MBD5: variants seen among roughly 807,000 people sequenced by gnomAD.
The protein encoded by MBD5 is methyl-CpG binding domain protein 5, also known as methyl-CpG-binding domain protein 5.
Under a neutral mutation model 117.3 loss-of-function variants are expected in MBD5, and 13 were observed. The observed-to-expected ratio is 0.11, with a 90% CI of 0.07 to 0.18. MBD5 has a LOEUF of 0.18. Ranked by LOEUF, MBD5 falls within the 10% of genes least tolerant of loss-of-function variation. The pLI, the probability that MBD5 is intolerant of heterozygous loss-of-function variation, is 1.00. For missense variants in MBD5, 1,879 were observed against 2,093.8 expected (o/e 0.90, Z 2.00); for synonymous variants, 727 against 766.4 (o/e 0.95, Z 0.85).
chr2:148,059,392 C>T (rs182633108), intron 1 of MBD5, among the ~76,000 whole-genome samples: 7 of 152,118 alleles, frequency 4.6e-5, no homozygotes, highest in Admixed American at 3.3e-4. Flanking sequence ...TGTCCTATTG[C>T]GGTTACCGTT....
At chr2:148,098,694 G>C (rs540942683) in intron 1 of MBD5, among the ~76,000 whole-genome samples, 16 of 152,250 alleles carry the variant, frequency 1.1e-4, no homozygotes, top group Non-Finnish European at 2.2e-4. Flanking sequence ...TACTGTTTCA[G>C]AAGTCCCGTG....
At chr2:148,295,024 TTC>T (rs1339111847) in intron 3 of MBD5, among the ~76,000 whole-genome samples, 2 of 152,234 alleles carry the variant, frequency 1.3e-5, no homozygotes, top group African/African-American at 4.8e-5. Context: ...CTGAGTATGA[TTC>T]TCTCTGTCTT....
At chr2:148,186,808 A>G (rs1479809965) in intron 2 of MBD5, among the ~76,000 whole-genome samples, 1 of 152,224 alleles carries the variant, frequency 6.6e-6, no homozygotes, top group Non-Finnish European at 1.5e-5. Flanking sequence ...ACCCCAAACC[A>G]CTAGAATAGA....
chr2:148,108,563 C>T (rs202220433), intron 1 of MBD5, among the ~76,000 whole-genome samples: 2 of 152,020 alleles, frequency 1.3e-5, no homozygotes, highest in East Asian at 1.9e-4. Context: ...AAAGCTAACG[C>T]TCAAGTTCAG....
chr2:148,294,712 C>T (rs1264662199), intron 3 of MBD5, among the ~76,000 whole-genome samples: 1 of 151,792 alleles, frequency 6.6e-6, no homozygotes, highest in Non-Finnish European at 1.5e-5. Context: ...CACTATGTTG[C>T]CCAAGCTGGT....
In MBD5 at chr2:148,064,452, A is replaced by G. The variant is rs1695129950; in HGVS notation, c.-925+42768A>G. On this transcript the variant is annotated intron_variant, in intron 1 of 13. Coordinates refer to ENST00000642680, the MANE Select transcript of MBD5 (RefSeq NM_001378120.1). ...CTTTAAGTACCGCCACTACACAAAG[A>G]TTCTTTCCATAGTGTGCCTTCTACC... is the stretch of plus-strand genomic sequence containing the variant. 2.0e-5 allele frequency among the ~76,000 whole-genome samples: 3 copies of G among 152,092 alleles called. No homozygotes were observed. In the South Asian group the frequency reaches 6.2e-4, roughly 32 times the overall value.
chr2:148,027,309 A>G (rs1693924826), intron 1 of MBD5: 2 of 152,110 alleles, frequency 1.3e-5, no homozygotes, highest in South Asian at 4.1e-4. Context: ...TGCCTAAATT[A>G]TTTCATATTT....
intron 1 of MBD5, among the ~76,000 whole-genome samples, chr2:148,046,264 G>C (rs1020471559): frequency 6.6e-6 from 1 of 152,116 alleles, no homozygotes; most frequent in Non-Finnish European, 1.5e-5. Context: ...TTACAGGCAT[G>C]AGCCACTGCA....
chr2:148,215,945 T>A (rs1454197432), intron 2 of MBD5, among the ~76,000 whole-genome samples: 1 of 152,184 alleles, frequency 6.6e-6, no homozygotes. Context: ...TTATTTGGTC[T>A]TGTCTTTAAG....
At chr2:148,149,172 G>A (rs536461429) in intron 1 of MBD5, among the ~76,000 whole-genome samples, 1 of 143,666 alleles carries the variant, frequency 7.0e-6, no homozygotes, top group East Asian at 2.0e-4. Context: ...TCCCACCTAT[G>A]AGTGAGAATA....
At chr2:148,434,610 G>C (rs1706098470) in intron 4 of MBD5, among the ~76,000 whole-genome samples, 1 of 152,064 alleles carries the variant, frequency 6.6e-6, no homozygotes, top group South Asian at 2.1e-4. Flanking sequence ...ATTGTGCTGT[G>C]GTCCAGGAGT....
At position 148,291,386 on chromosome 2, in the gene MBD5, G is replaced by A. The variant is rs555896485; in HGVS notation, c.-679-50828G>A. Among the ~76,000 whole-genome samples the A allele has an allele frequency of 9.2e-5, 14 of 152,164 alleles. No individual in the cohort carries two copies. The East Asian group carries it at 1.9e-3, about 21-fold the overall frequency. On this transcript the variant is annotated intron_variant, in intron 3 of 13. Coordinates refer to ENST00000642680, the MANE Select transcript of MBD5 (RefSeq NM_001378120.1). The stretch of plus-strand genomic sequence containing the variant: ...CTTTAATTTCTTTCACTGATATTTT[G>A]TAGTTTTTAAAATGTAACTTCACTC...
intron 3 of MBD5, among the ~76,000 whole-genome samples, chr2:148,309,433 A>G (rs560039456): frequency 6.6e-6 from 1 of 152,188 alleles, no homozygotes; most frequent in East Asian, 1.9e-4. Context: ...ATGAGAGTTC[A>G]CTCATGATTA....
chr2:148,032,574 A>C (rs1214631037), intron 1 of MBD5, among the ~76,000 whole-genome samples: 1 of 152,116 alleles, frequency 6.6e-6, no homozygotes, highest in African/African-American at 2.4e-5. Context: ...TTAGAGCAAG[A>C]GTTTGCATGG....
intron 4 of MBD5, among the ~76,000 whole-genome samples, chr2:148,391,774 G>A (rs541617589): frequency 1.3e-5 from 2 of 152,240 alleles, no homozygotes; most frequent in East Asian, 3.9e-4. Context: ...TATTGATGAA[G>A]TTATCAGATA....
chr2:148,238,179 T>C (rs1481242128), intron 3 of MBD5, among the ~76,000 whole-genome samples: 4 of 152,250 alleles, frequency 2.6e-5, no homozygotes, highest in African/African-American at 7.2e-5. Context: ...GTTTTACTGC[T>C]GCTAAATTTT....
At chr2:148,420,421 C>G (rs1705565971) in intron 4 of MBD5, among the ~76,000 whole-genome samples, 1 of 152,076 alleles carries the variant, frequency 6.6e-6, no homozygotes, top group South Asian at 2.1e-4. Context: ...TTGTATTTTT[C>G]TTATATTTTA....
rs1208308688 is a variant in MBD5 at position 148,489,366 on chromosome 2, T to C, written c.3754-20T>C. The C allele has an allele frequency of 3.1e-6, 5 of 1,613,978 alleles. No homozygotes were observed. In the East Asian group the frequency reaches 1.1e-4, roughly 36 times the overall value. ...AAATTATTTCCCTTTCTCTCACTGC[T>C]TCCTGTCTATTTCTTCAAGGTGAGA... On this transcript the variant is annotated intron_variant, in intron 10 of 13. Transcript: ENST00000642680.
Position 148,180,343 on chromosome 2 carries a change from C to CAGATATATATATATATATATATAT in MBD5, c.-831+1551_-831+1552insGATATATATATATATATATATATA, listed in dbSNP as rs757856356. Among the ~76,000 whole-genome samples the CAGATATATATATATATATATATAT allele has an allele frequency of 1.2e-3, 124 of 105,536 alleles. 2 individuals are homozygous for CAGATATATATATATATATATATAT. The highest frequency in any genetic ancestry group is 4.0e-3 in the African/African-American group (112 of 27,966). The allele number at this position is 105,536 out of a possible 152,430, so 69.2% of individuals were successfully genotyped here. ...ATCCTTCTAGTAAAAAAAAATTATA[C>CAGATATATATATATATATATATAT]ATATATATATATATATATGTATATA... On this transcript the variant is annotated intron_variant, in intron 2 of 13. Transcript: ENST00000642680.
Sources: gnomAD v4.1 joint callset for allele counts (sites outside exome capture counted in the v4.1 genomes callset) on GRCh38, gnomAD v4.1.1 for gene constraint, MANE v1.5 for transcripts, NCBI Gene and HGNC (gene_info 2026-07-23, HGNC 2026-07-21) for gene names.